Variants in SESN1 observed in about 807,000 individuals in gnomAD.
SESN1 encodes sestrin 1.
A neutral mutation model predicts 59.3 loss-of-function variants in SESN1; 30 were observed. The observed-to-expected ratio is 0.51, with a 90% CI of 0.38 to 0.69. The LOEUF (loss-of-function observed/expected upper bound fraction) is 0.69. Among genes scored for constraint, SESN1 ranks in the 30% least tolerant of loss-of-function variants. The probability of loss-of-function intolerance (pLI) is 0.00; values close to 1 mark genes in which losing one functional copy is unlikely to be tolerated. For missense variants in SESN1, 566 were observed against 673.0 expected, an observed-to-expected ratio of 0.84 and a Z score of 1.76; for synonymous variants, 197 against 219.9, an observed-to-expected ratio of 0.90 and a Z score of 0.92.
At chr6:109,058,554 T>C (rs1190081116) in intron 1 of SESN1, among the ~76,000 whole-genome samples, 2 of 152,206 alleles carry the variant, frequency 1.3e-5, no homozygotes. Context: ...GATCCCACAT[T>C]GTCCTCCTAA....
At chr6:109,045,322 T>A (rs1234393433) in intron 1 of SESN1, among the ~76,000 whole-genome samples, 1 of 152,188 alleles carries the variant, frequency 6.6e-6, no homozygotes, top group Non-Finnish European at 1.5e-5. Flanking sequence ...CTCCTTTCTG[T>A]CTCAATGCCT....
chr6:109,022,768 A>G (rs2114374823), intron 1 of SESN1, among the ~76,000 whole-genome samples: 1 of 152,256 alleles, frequency 6.6e-6, no homozygotes. Flanking sequence ...CACCTTAGGT[A>G]CATGCTATCT....
At chr6:109,087,866 A>T (rs927645773) in intron 1 of SESN1, among the ~76,000 whole-genome samples, 3 of 152,038 alleles carry the variant, frequency 2.0e-5, no homozygotes, top group African/African-American at 7.2e-5. Flanking sequence ...AGTTAGATAC[A>T]CATGCAGTTT....
At chr6:109,042,032 A>G (rs1780351234) in intron 1 of SESN1, among the ~76,000 whole-genome samples, 1 of 152,154 alleles carries the variant, frequency 6.6e-6, no homozygotes, top group South Asian at 2.1e-4. Flanking sequence ...CACTAGAAGT[A>G]AATAATAGAA....
intron 1 of SESN1, among the ~76,000 whole-genome samples, chr6:109,038,722 T>C (rs1053217038): frequency 6.6e-6 from 1 of 152,206 alleles, no homozygotes; most frequent in Non-Finnish European, 1.5e-5. Context: ...CTTAAGAAAT[T>C]TTTAATAAGC....
chr6:109,075,763 T>G (rs1781021779), intron 1 of SESN1, among the ~76,000 whole-genome samples: 1 of 152,134 alleles, frequency 6.6e-6, no homozygotes, highest in Non-Finnish European at 1.5e-5. Context: ...ACAGAAATTG[T>G]GAAATAATAG....
At chr6:108,989,527 CTA>C (rs1320176085) in intron 8 of SESN1, among the ~76,000 whole-genome samples, 3 of 143,918 alleles carry the variant, frequency 2.1e-5, no homozygotes, top group Admixed American at 2.1e-4. Context: ...AGAGAGATAT[CTA>C]TAGAGATAGA....
Position 109,094,000 on chromosome 6 carries a change from A to C in SESN1, c.74T>G (p.Leu25Trp), listed in dbSNP as rs772288243. 1 of 1,614,182 alleles carries C rather than the reference A, an allele frequency of 6.2e-7. No homozygotes were observed. Among genetic ancestry groups the C allele is most frequent in the Non-Finnish European group, 8.5e-7 (1 of 1,180,036 alleles). Reference protein sequence around the residue: ...SRDSTTRETALENIRQTILRK... With the variant: ...SRDSTTRETAWENIRQTILRK... ...CAAAATGGTTTGCCTAATGTTTTCC[A>C]ATGCTGTCTCCCTAGTAGTTGAATC... The change falls in exon 1 of 10, where the codon TTG becomes TGG. Residue 25 changes from leucine (L) to tryptophan (W), a missense_variant. Physicochemically the swap from Leu to Trp is moderately conservative, Grantham distance 61. Coordinates refer to ENST00000436639, the MANE Select transcript of SESN1 (RefSeq NM_014454.3).
intron 1 of SESN1, among the ~76,000 whole-genome samples, chr6:109,025,158 G>A (rs188823200): frequency 1.3e-5 from 2 of 151,974 alleles, no homozygotes; most frequent in East Asian, 3.9e-4. Context: ...GCATGAACAA[G>A]GAAAAACACC....
intron 1 of SESN1, among the ~76,000 whole-genome samples, chr6:109,014,257 G>C (rs79396909): frequency 9.9e-5 from 15 of 151,942 alleles, no homozygotes; most frequent in African/African-American, 3.6e-4. Context: ...GTTAAATAAC[G>C]GTCAGGTTTT....
chr6:109,062,706 G>A (rs1780751633), intron 1 of SESN1, among the ~76,000 whole-genome samples: 1 of 152,118 alleles, frequency 6.6e-6, no homozygotes, highest in Non-Finnish European at 1.5e-5. Context: ...CCCCATAAAT[G>A]TGTGAAACCA....
At chr6:109,074,255 ATC>A (rs756326664) in intron 1 of SESN1, among the ~76,000 whole-genome samples, 2 of 152,156 alleles carry the variant, frequency 1.3e-5, no homozygotes, top group African/African-American at 4.8e-5. Context: ...CTCAGAATAT[ATC>A]TGTCATTAAG....
chr6:109,046,678 G>A (rs1278516043), intron 1 of SESN1, among the ~76,000 whole-genome samples: 1 of 136,376 alleles, frequency 7.3e-6, no homozygotes, highest in Non-Finnish European at 1.6e-5. Context: ...AGGAAGTGAG[G>A]AGCGTCTCTG....
chr6:109,026,795 G>A (rs919050538), intron 1 of SESN1, among the ~76,000 whole-genome samples: 10 of 152,192 alleles, frequency 6.6e-5, no homozygotes, highest in South Asian at 2.1e-4. Context: ...GAGCCACTGC[G>A]CCCGGCCAGG....
At chr6:108,995,775 C>T (rs1162447707) in intron 5 of SESN1, among the ~76,000 whole-genome samples, 3 of 152,042 alleles carry the variant, frequency 2.0e-5, no homozygotes, top group Non-Finnish European at 4.4e-5. Flanking sequence ...CAGAGAGAGA[C>T]TTTGTCTCAA....
chr6:109,009,029 G>A lies in SESN1; in HGVS notation c.280-6686C>T, dbSNP rs117801060. The A allele has an allele frequency of 6.0e-3, 5,908 of 984,960 alleles. 33 individuals are homozygous for A. Among genetic ancestry groups the A allele is most frequent in the Non-Finnish European group, 6.7e-3 (5,467 of 810,266 alleles). 61.0% of individuals were successfully genotyped at this position (984,960 alleles called of 1,614,324 possible). The stretch of plus-strand genomic sequence containing the variant: ...GTCTGCTGGATTTCTGACTTGTGGA[G>A]ACTTGTCCAGACGACAATGTTATTT... On this transcript the variant is annotated intron_variant, in intron 1 of 9. Transcript: ENST00000436639.
At chr6:109,000,727 T>G (rs558115976) in intron 3 of SESN1, 54 bp from the exon 4 acceptor site, 1 of 1,309,696 alleles carries the variant, frequency 7.6e-7, no homozygotes, top group Admixed American at 2.9e-5. Context: ...GAACTACATA[T>G]CCTTTTTATT....
intron 1 of SESN1, among the ~76,000 whole-genome samples, chr6:109,021,217 C>A (rs992664319): frequency 1.3e-5 from 2 of 152,032 alleles, no homozygotes; most frequent in Non-Finnish European, 2.9e-5. Context: ...TACATGGACT[C>A]AAGTGAACTC....
intron 1 of SESN1, among the ~76,000 whole-genome samples, chr6:109,063,706 C>T (rs1442996835): frequency 1.3e-5 from 2 of 152,118 alleles, no homozygotes; most frequent in African/African-American, 4.8e-5. Flanking sequence ...TCAGATACGT[C>T]TTGTGCTACC....
Sources: allele counts gnomAD v4.1 joint callset (sites outside exome capture counted in the v4.1 genomes callset), GRCh38; gene constraint gnomAD v4.1.1; transcripts MANE v1.5; gene names NCBI Gene and HGNC (gene_info 2026-07-23, HGNC 2026-07-21).